Variants in ENTPD6 observed in about 807,000 individuals in gnomAD.
The protein encoded by ENTPD6 is CD39 antigen-like 2.
A neutral mutation model predicts 61.5 loss-of-function variants in ENTPD6; 46 were observed. That is an observed-to-expected ratio of 0.75 (90% CI 0.59 to 0.96). The LOEUF is 0.96. Among genes scored for constraint, ENTPD6 ranks in the 40% least tolerant of loss-of-function variants. The pLI, the probability that ENTPD6 is intolerant of heterozygous loss-of-function variation, is 0.00. For missense variants in ENTPD6, 612 were observed against 629.0 expected, an observed-to-expected ratio of 0.97 and a Z score of 0.29; for synonymous variants, 252 against 255.5, an observed-to-expected ratio of 0.99 and a Z score of 0.13.
chr20:25,206,802 GCCAGC>G (rs1308242944), intron 2 of ENTPD6, among the ~76,000 whole-genome samples: 2 of 152,206 alleles, frequency 1.3e-5, no homozygotes, highest in Non-Finnish European at 2.9e-5. Flanking sequence ...CCTTAGAGGA[GCCAGC>G]CACTGTGGTC....
At chr20:25,197,945 A>G (rs2090642903) in intron 1 of ENTPD6, among the ~76,000 whole-genome samples, 3 of 152,160 alleles carry the variant, frequency 2.0e-5, no homozygotes, top group Admixed American at 2.0e-4. Context: ...CCACACACTG[A>G]CTGCAATCTC....
chr20:25,222,909 G>A lies in ENTPD6; in HGVS notation c.1117G>A (p.Glu373Lys), dbSNP rs1177733815. 6.2e-6 allele frequency: 10 copies of A among 1,613,796 alleles called. No individual in the cohort carries two copies. The highest frequency in any genetic ancestry group is 8.5e-6 in the Non-Finnish European group (10 of 1,179,896). Residue 373 changes from glutamate to lysine, a missense_variant, in exon 12 of 15, where the codon GAA (glutamate) becomes AAA (lysine). Physicochemically the swap from Glu to Lys is moderately conservative, Grantham distance 56. Transcript: ENST00000376652. ...TCAAAACAGAGTGCACAGGACGGAGGAAGTGAAGCATGTGGACTTCTATGC... is the reference window on the plus strand; with the variant it reads ...TCAAAACAGAGTGCACAGGACGGAGAAAGTGAAGCATGTGGACTTCTATGC... The part of the protein sequence containing the change: ...VLQNRVHRTE[E>K]VKHVDFYAFS...
intron 4 of ENTPD6, 34 bp downstream of exon 4, chr20:25,209,959 T>A (rs201877644): frequency 1.0e-4 from 162 of 1,565,290 alleles, no homozygotes; most frequent in Non-Finnish European, 1.4e-4. Flanking sequence ...CCTGTTCAAC[T>A]GCAGAATGTG....
At chr20:25,209,150 C>T (rs1460581376) in intron 3 of ENTPD6, among the ~76,000 whole-genome samples, 2 of 150,292 alleles carry the variant, frequency 1.3e-5, no homozygotes, top group Non-Finnish European at 3.0e-5. Flanking sequence ...CGCTCTGTCG[C>T]CCAGGCTGGA....
intron 12 of ENTPD6, 142 bp from the exon 13 acceptor site, chr20:25,223,959 C>T (rs1286966409): frequency 2.5e-5 from 17 of 674,274 alleles, no homozygotes; most frequent in South Asian, 1.4e-4. Context: ...ACGTGAGTGC[C>T]GCCTACAGCT....
Position 25,218,518 on chromosome 20 carries a change from C to T in ENTPD6, c.879-32C>T, listed in dbSNP as rs761040818. 5 of 1,581,496 alleles carry T rather than the reference C, an allele frequency of 3.2e-6. No homozygotes were observed. In the South Asian group the frequency reaches 3.5e-5, roughly 11 times the overall value. On this transcript the variant is annotated intron_variant, in intron 9 of 14. Coordinates refer to ENST00000376652, the MANE Select transcript of ENTPD6 (RefSeq NM_001247.5). ...CTGCCATGACCTGTACCTGCCATGG[C>T]AGCTGCCCTCACTGAGGTGTCATTC...
At chr20:25,222,460 T>A in intron 11 of ENTPD6, 1 of 187,218 alleles carries the variant, frequency 5.3e-6, no homozygotes, top group Admixed American at 5.4e-5. Flanking sequence ...ATCTATGACA[T>A]AGGGAGGGTG....
In ENTPD6 at chr20:25,228,071, T is replaced by A. The variant is rs1347390767; in HGVS notation, c.*2474T>A. On this transcript the variant is annotated 3_prime_UTR_variant, in exon 15 of 15. Coordinates refer to ENST00000376652, the MANE Select transcript of ENTPD6 (RefSeq NM_001247.5). ...ATTTATTAAGGAAATTATCCCATTA[T>A]GATAGAACGTGTCCAAAAATTTATC... Among the ~76,000 whole-genome samples, 2 of 152,260 alleles carry A rather than the reference T, an allele frequency of 1.3e-5. No homozygotes were observed. The highest frequency in any genetic ancestry group is 4.8e-5 in the African/African-American group (2 of 41,476).
Position 25,222,505 on chromosome 20 carries a change from G to A in ENTPD6, c.1046-333G>A, listed in dbSNP as rs369641680. On this transcript the variant is annotated intron_variant, in intron 11 of 14. Transcript: ENST00000376652. ...TGAGGAGGTGGGACTCCGGGCTGGCGGAGGGGGAATGTAGGGCAGATGGTC... is the reference window on the plus strand; with the variant it reads ...TGAGGAGGTGGGACTCCGGGCTGGCAGAGGGGGAATGTAGGGCAGATGGTC... 1.1e-3 allele frequency: 262 copies of A among 242,190 alleles called. 2 individuals are homozygous for A. Among genetic ancestry groups the A allele is most frequent in the African/African-American group, 5.1e-3 (227 of 44,708 alleles). 15.0% of individuals were successfully genotyped at this position (242,190 alleles called of 1,614,324 possible).
intron 10 of ENTPD6, among the ~76,000 whole-genome samples, chr20:25,221,013 A>G (rs2092611466): frequency 6.6e-6 from 1 of 152,208 alleles, no homozygotes; most frequent in African/African-American, 2.4e-5. Flanking sequence ...CGGCGTGCCC[A>G]GGGCCGTGAG....
Position 25,196,194 on chromosome 20 carries a change from G to C in ENTPD6, c.-16+327G>C, listed in dbSNP as rs964949595. On this transcript the variant is annotated intron_variant, in intron 1 of 14. Coordinates refer to ENST00000376652, the MANE Select transcript of ENTPD6 (RefSeq NM_001247.5). ...CCGCCCCCAGTCTGCGTCAGGGACA[G>C]ACCCCTCCGCCCTGGATGAGCCCGG... 9 of 1,193,418 alleles carry C rather than the reference G, an allele frequency of 7.5e-6. No individual in the cohort carries two copies. The East Asian group carries it at 3.2e-4, about 42-fold the overall frequency. 73.9% of individuals were successfully genotyped at this position (1,193,418 alleles called of 1,614,324 possible).
At chr20:25,203,072 T>C (rs1457508349) in intron 1 of ENTPD6, among the ~76,000 whole-genome samples, 1 of 152,312 alleles carries the variant, frequency 6.6e-6, no homozygotes, top group East Asian at 1.9e-4. Context: ...GATTTTTTTG[T>C]TTGTTTGTTT....
At chr20:25,214,471 TC>T (rs2092195126) in intron 5 of ENTPD6, among the ~76,000 whole-genome samples, 1 of 152,206 alleles carries the variant, frequency 6.6e-6, no homozygotes, top group East Asian at 1.9e-4. Context: ...TGCCCCAGCT[TC>T]CCCCAGTCTA....
At chr20:25,221,157 G>T (rs909892925) in intron 10 of ENTPD6, 75 bp from the exon 11 acceptor site, 3 of 1,214,282 alleles carry the variant, frequency 2.5e-6, no homozygotes, top group Non-Finnish European at 3.5e-6. Context: ...CAGGGCCTCC[G>T]CGACTCCTAG....
chr20:25,224,982 C>T (rs952500473), intron 13 of ENTPD6: 51 of 609,974 alleles, frequency 8.4e-5, no homozygotes, highest in Non-Finnish European at 1.3e-4. Context: ...TAACACCAGG[C>T]GTGCAAATCC....
intron 5 of ENTPD6, chr20:25,214,647 GC>G (rs1445559961): frequency 1.9e-6 from 1 of 537,966 alleles, no homozygotes; most frequent in African/African-American, 1.9e-5. Flanking sequence ...GTTACTGCCT[GC>G]CAATAGCATG....
In ENTPD6 at chr20:25,221,901, C is replaced by T. The variant is rs977663334; in HGVS notation, c.1045+568C>T. 5 of 179,574 alleles carry T rather than the reference C, an allele frequency of 2.8e-5. No homozygotes were observed. The South Asian group carries it at 6.6e-4, about 24-fold the overall frequency. The allele number at this position is 179,574 out of a possible 1,614,324, so 11.1% of individuals were successfully genotyped here. On this transcript the variant is annotated intron_variant, in intron 11 of 14. Transcript: ENST00000376652. ...CCCACTGGTGCGTGTACCGGGGGGC[C>T]GCATCAGGCACAGCAGGACTGCACA...
intron 5 of ENTPD6, 116 bp downstream of exon 5, chr20:25,213,522 GAA>G: frequency 8.9e-7 from 1 of 1,127,922 alleles, no homozygotes; most frequent in Non-Finnish European, 1.2e-6. Context: ...TGCTTCTGAA[GAA>G]AAGTTTGCAG....
chr20:25,224,170 G>A lies in ENTPD6; in HGVS notation c.1243+13G>A. On this transcript the variant is annotated intron_variant, in intron 13 of 14. Transcript: ENST00000376652. ...GCAGCCAAGTACGGTGAGTGATGCT[G>A]CAGGGGCCATCTCAGCAGGGGCAGG... is the stretch of plus-strand genomic sequence containing the variant. The A allele has an allele frequency of 6.2e-7, 1 of 1,610,012 alleles. No homozygotes were observed.
Sources: allele counts gnomAD v4.1 joint callset (sites outside exome capture counted in the v4.1 genomes callset), GRCh38; gene constraint gnomAD v4.1.1; transcripts MANE v1.5; gene names NCBI Gene and HGNC (gene_info 2026-07-23, HGNC 2026-07-21).